RGMA: variants seen among roughly 807,000 people sequenced by gnomAD.
RGMA encodes the protein repulsive guidance molecule BMP co-receptor a.
A neutral mutation model predicts 23.2 loss-of-function variants in RGMA; 10 were observed. That is an observed-to-expected ratio of 0.43 (90% CI 0.27 to 0.73). The LOEUF (loss-of-function observed/expected upper bound fraction) is 0.73. Ranked by LOEUF, RGMA falls within the 30% of genes least tolerant of loss-of-function variation. The probability of loss-of-function intolerance (pLI) is 0.20; values close to 1 mark genes in which losing one functional copy is unlikely to be tolerated. For missense variants in RGMA, 547 were observed against 630.5 expected (o/e 0.87, Z 1.42); for synonymous variants, 308 against 279.3 (o/e 1.10, Z -1.03).
intron 2 of RGMA, chr15:93,066,416 C>G: frequency 1.5e-6 from 1 of 660,822 alleles, no homozygotes; most frequent in Non-Finnish European, 2.8e-6. Flanking sequence ...GCGGGGGTTT[C>G]CAAGGCCGCC....
In RGMA at chr15:93,052,071, G is replaced by A. The variant is rs1049811265; in HGVS notation, c.567C>T (p.Leu189=). The A allele has an allele frequency of 1.9e-6, 3 of 1,613,010 alleles. No individual in the cohort carries two copies. In the East Asian group the frequency reaches 6.7e-5, roughly 36 times the overall value. ...GCACGTTCAGGTAATTATTGTCGAT[G>A]AGCGGCCAGGCGCCCTGCACCTTGC... ...QTCKVQGAWP[L]IDNNYLNVQV... Residue 189 remains leucine (L), a synonymous_variant, in exon 3 of 4, where the codon CTC becomes CTT. Transcript: ENST00000329082.
chr15:93,082,946 A>G (rs1465949264), intron 1 of RGMA, among the ~76,000 whole-genome samples: 2 of 152,258 alleles, frequency 1.3e-5, no homozygotes, highest in African/African-American at 4.8e-5. Flanking sequence ...CTCTCACAGC[A>G]CATCTCAAGT....
At position 93,036,693 on chromosome 15, in the gene RGMA, T is replaced by G. The variant is rs932153914; in HGVS notation, c.*8305A>C. On this transcript the variant is annotated 3_prime_UTR_variant, in exon 4 of 4. Coordinates refer to ENST00000329082, the MANE Select transcript of RGMA (RefSeq NM_020211.3). ...TGCTGTGGGGCTCACGAGCATGCCT[T>G]GAACACAGGCTGCCTGTGCCCCCTG... 1.3e-5 allele frequency: 2 copies of G among 152,304 alleles called. No individual in the cohort carries two copies. The highest frequency in any genetic ancestry group is 1.3e-4 in the Admixed American group (2 of 15,284). 9.4% of individuals were successfully genotyped at this position (152,304 alleles called of 1,614,324 possible). A position where few individuals can be genotyped will look rare whatever the true frequency, so the allele number is the denominator to read the frequency against.
chr15:93,066,857 G>A (rs550976660), intron 2 of RGMA, among the ~76,000 whole-genome samples: 1 of 152,298 alleles, frequency 6.6e-6, no homozygotes, highest in African/African-American at 2.4e-5. Flanking sequence ...ATCTGTGCAT[G>A]GGCTCAGGGC....
chr15:93,085,626 A>C (rs1895623934), intron 1 of RGMA, among the ~76,000 whole-genome samples: 1 of 152,258 alleles, frequency 6.6e-6, no homozygotes, highest in Non-Finnish European at 1.5e-5. Flanking sequence ...GGTACATAGT[A>C]CATTTTTATG....
At chr15:93,073,963 T>C in intron 1 of RGMA, 5 of 1,424,274 alleles carry the variant, frequency 3.5e-6, no homozygotes, top group Non-Finnish European at 4.6e-6. Context: ...CCCGCAAGGC[T>C]GCACTTGGGA....
rs753600954 is a variant in RGMA, at chr15:93,040,995, G to C, written c.*4003C>G. ...AAGGAGACCACACAGCTCGCGACGG[G>C]TTGAGCCAGTTTTGACGCCAAGTTT... On this transcript the variant is annotated 3_prime_UTR_variant, in exon 4 of 4. Transcript: ENST00000329082. 6.6e-6 allele frequency: 1 copy of C among 152,162 alleles called. No homozygotes were observed. The highest frequency in any genetic ancestry group is 1.5e-5 in the Non-Finnish European group (1 of 68,052). The allele number at this position is 152,162 out of a possible 1,614,324, so 9.4% of individuals were successfully genotyped here. A position where few individuals can be genotyped will look rare whatever the true frequency, so the allele number is the denominator to read the frequency against.
In RGMA at chr15:93,039,719, A is replaced by G. The variant is rs1451691434; in HGVS notation, c.*5279T>C. The G allele has an allele frequency of 1.3e-5, 2 of 152,272 alleles. No homozygotes were observed. Among genetic ancestry groups the G allele is most frequent in the Admixed American group, 1.3e-4 (2 of 15,282 alleles). The allele number at this position is 152,272 out of a possible 1,614,324, so 9.4% of individuals were successfully genotyped here. A position where few individuals can be genotyped will look rare whatever the true frequency, so the allele number is the denominator to read the frequency against. ...CTTCATCCATGTCCCTGCAAAGGAC[A>G]TGAACTCATCCCTTTTTATGGCTGC... On this transcript the variant is annotated 3_prime_UTR_variant, in exon 4 of 4. Coordinates refer to ENST00000329082, the MANE Select transcript of RGMA (RefSeq NM_020211.3).
intron 3 of RGMA, among the ~76,000 whole-genome samples, chr15:93,050,540 C>T (rs916330441): frequency 1.3e-5 from 2 of 152,208 alleles, no homozygotes; most frequent in African/African-American, 4.8e-5. Context: ...CTGCTTCATA[C>T]TCTTCTGGAA....
chr15:93,073,580 C>G (rs183532918), intron 1 of RGMA: 2 of 1,533,904 alleles, frequency 1.3e-6, no homozygotes, highest in Non-Finnish European at 1.7e-6. Flanking sequence ...ACCAGACTGC[C>G]GACCCCAAGC....
rs201783150 is a variant in RGMA at position 93,045,161 on chromosome 15, G to A, written c.1190C>T (p.Ala397Val). 6.2e-7 allele frequency: 1 copy of A among 1,606,124 alleles called. No homozygotes were observed. Among genetic ancestry groups the A allele is most frequent in the East Asian group, 2.2e-5 (1 of 44,526 alleles). Residue 397 changes from alanine (A) to valine (V), a missense_variant, in exon 4 of 4, where the codon GCG becomes GTG. Physicochemically the swap from Ala to Val is moderately conservative, Grantham distance 64. Around this residue, in one of 3 missense-constraint regions of RGMA, gnomAD observed 205 missense variants for 204.1 expected, o/e 1.00. Transcript: ENST00000329082. This position sits in a 1 kb window ranked among gnomAD's most constrained non-coding sequence, Gnocchi z 6.9. The part of the protein sequence containing the change: ...DVNFTLAAYY[A>V]LEDVKMLHSN... ...GTGGAGCATCTTGACATCCTCCAACGCGTAGTAGGCGGCCAGTGTGAAGTT... is the reference window on the plus strand; with the variant it reads ...GTGGAGCATCTTGACATCCTCCAACACGTAGTAGGCGGCCAGTGTGAAGTT...
At chr15:93,051,411 C>A (rs748155422) in intron 3 of RGMA, among the ~76,000 whole-genome samples, 4 of 152,246 alleles carry the variant, frequency 2.6e-5, no homozygotes, top group African/African-American at 4.8e-5. Context: ...GAACTGGGAG[C>A]CACCAGCTTC....
rs1282831624 is a variant in RGMA, at chr15:93,044,949, TG to T, written c.*48del. On this transcript the variant is annotated 3_prime_UTR_variant, in exon 4 of 4. Coordinates refer to ENST00000329082, the MANE Select transcript of RGMA (RefSeq NM_020211.3). ...CCCGTGGGCGGTCCCAGCCCACACA[TG>T]GGGAAGCCGAGAGGACGGAGCCCGC... 6.8e-7 allele frequency: 1 copy of T among 1,474,010 alleles called. No homozygotes were observed. Among genetic ancestry groups the T allele is most frequent in the African/African-American group, 1.4e-5 (1 of 71,580 alleles). The allele number at this position is 1,474,010 out of a possible 1,614,324, so 91.3% of individuals were successfully genotyped here. A position where few individuals can be genotyped will look rare whatever the true frequency, so the allele number is the denominator to read the frequency against.
At position 93,045,314 on chromosome 15, in the gene RGMA, C is replaced by T. The variant is rs987872237; in HGVS notation, c.1037G>A (p.Ser346Asn). The T allele has an allele frequency of 3.1e-6, 5 of 1,611,816 alleles. No individual in the cohort carries two copies. The African/African-American group carries it at 5.3e-5, about 17-fold the overall frequency. ...GGTCTCGGGGGCTGTGGGTGCAGGG[C>T]TGGCGGCTGCCAGCCTGCGGGCACC... ...GTGARRLAAASPAPTAPETFP... is the reference protein window; with the variant it reads ...GTGARRLAAANPAPTAPETFP... Residue 346 changes from serine (S) to asparagine (N), a missense_variant, in exon 4 of 4, where the codon AGC becomes AAC. By Grantham distance (46) the Ser-to-Asn change is conservative. Around this residue, in one of 3 missense-constraint regions of RGMA, gnomAD observed 205 missense variants for 204.1 expected, o/e 1.00. Coordinates refer to ENST00000329082, the MANE Select transcript of RGMA (RefSeq NM_020211.3). This position sits in a 1 kb window ranked among gnomAD's most constrained non-coding sequence, Gnocchi z 6.9.
At chr15:93,072,760 CGG>C (rs1346532556) in intron 2 of RGMA, among the ~76,000 whole-genome samples, 154 bp downstream of exon 2, 6 of 152,268 alleles carry the variant, frequency 3.9e-5, no homozygotes, top group African/African-American at 1.4e-4. Flanking sequence ...GCACCCACGA[CGG>C]GGTGCGGGAG....
At chr15:93,085,425 A>G (rs147100529) in intron 1 of RGMA, among the ~76,000 whole-genome samples, 135 of 152,340 alleles carry the variant, frequency 8.9e-4, no homozygotes, top group Middle Eastern at 3.4e-3. Context: ...CCTAATTTTC[A>G]GGCTCTGGGA....
At chr15:93,067,879 A>C (rs1226229486) in intron 2 of RGMA, among the ~76,000 whole-genome samples, 1 of 152,152 alleles carries the variant, frequency 6.6e-6, no homozygotes, top group Non-Finnish European at 1.5e-5. Context: ...GGAGGCAGGC[A>C]GGTCCTAAGC....
At position 93,045,452 on chromosome 15, in the gene RGMA, A is replaced by C. The variant is rs2054808377; in HGVS notation, c.899T>G (p.Val300Gly). 6.2e-7 allele frequency: 1 copy of C among 1,612,964 alleles called. No individual in the cohort carries two copies. Among genetic ancestry groups the C allele is most frequent in the Admixed American group, 1.7e-5 (1 of 59,986 alleles). Residue 300 changes from valine to glycine, a missense_variant, in exon 4 of 4, where the codon GTG (valine) becomes GGG (glycine). Transcript: ENST00000329082. This position sits in a 1 kb window ranked among gnomAD's most constrained non-coding sequence, Gnocchi z 6.9. ...GTCCCAGTCCTCCACAGCATTGACC[A>C]CTTCCTCTGGCATGCGGACGGCAAA... Reference protein sequence around the residue: ...LTFAVRMPEEVVNAVEDWDSQ... With the variant: ...LTFAVRMPEEGVNAVEDWDSQ...
At chr15:93,064,168 T>TG (rs36060311) in intron 2 of RGMA, among the ~76,000 whole-genome samples, 44,644 of 151,926 alleles carry the variant, frequency 0.29, 8,328 homozygotes, top group East Asian at 0.81. Context: ...GCAGCTTCAG[T>TG]GGGGGGGCTG....
Sources: gnomAD v4.1 joint callset for allele counts (sites outside exome capture counted in the v4.1 genomes callset) on GRCh38, gnomAD v4.1.1 for gene constraint, gnomAD v4.1.1 regional missense constraint, Gnocchi (gnomAD v3.1) non-coding constraint, MANE v1.5 for transcripts, NCBI Gene and HGNC (gene_info 2026-07-23, HGNC 2026-07-21) for gene names.